IMMP1L: variants seen among roughly 807,000 people sequenced by gnomAD.
IMMP1L encodes the protein mitochondrial inner membrane protease subunit 1.
IMMP1L carries 24 observed loss-of-function variants against 21.8 expected under a neutral mutation model. The ratio of observed to expected loss-of-function variants is 1.10; its 90% CI spans 0.80 to 1.55. The LOEUF is 1.55. Among genes scored for constraint, IMMP1L ranks in the 40% most tolerant of loss-of-function variants. The pLI is 0.00. For missense variants in IMMP1L, 195 were observed against 200.7 expected, an observed-to-expected ratio of 0.97 and a Z score of 0.17; for synonymous variants, 46 against 62.8, an observed-to-expected ratio of 0.73 and a Z score of 1.26.
intron 1 of IMMP1L, among the ~76,000 whole-genome samples, chr11:31,488,869 TTTTA>T (rs1412277208): frequency 2.0e-5 from 3 of 151,390 alleles, no homozygotes; most frequent in South Asian, 2.1e-4. Flanking sequence ...AGAAAATAAG[TTTTA>T]TTTTTTATTT....
intron 3 of IMMP1L, among the ~76,000 whole-genome samples, chr11:31,456,903 A>G (rs1325644019): frequency 7.8e-6 from 1 of 128,396 alleles, no homozygotes; most frequent in Non-Finnish European, 1.6e-5. Context: ...AAAAAAAAAA[A>G]CCACACACAC....
At chr11:31,506,210 G>A (rs913005994) in intron 1 of IMMP1L, among the ~76,000 whole-genome samples, 1 of 150,138 alleles carries the variant, frequency 6.7e-6, no homozygotes, top group Non-Finnish European at 1.5e-5. Flanking sequence ...AATTAAGAAC[G>A]CACCTAAACA....
At chr11:31,500,960 T>C (rs1955600441) in intron 1 of IMMP1L, among the ~76,000 whole-genome samples, 1 of 152,224 alleles carries the variant, frequency 6.6e-6, no homozygotes, top group African/African-American at 2.4e-5. Flanking sequence ...AGCTGTGTGA[T>C]TTAATATAGT....
intron 1 of IMMP1L, among the ~76,000 whole-genome samples, chr11:31,507,443 G>C (rs1437055577): frequency 2.0e-5 from 3 of 152,090 alleles, no homozygotes; most frequent in African/African-American, 7.2e-5. Context: ...GGCAAACAAA[G>C]CACCACTATC....
chr11:31,433,796 A>G (rs1280594909), intron 4 of IMMP1L: 3 of 371,214 alleles, frequency 8.1e-6, no homozygotes, highest in Non-Finnish European at 1.4e-5. Flanking sequence ...TTTTTGTCAT[A>G]TGGTTCCCAA....
intron 1 of IMMP1L, among the ~76,000 whole-genome samples, chr11:31,507,171 C>T (rs1955803967): frequency 6.6e-6 from 1 of 151,040 alleles, no homozygotes; most frequent in South Asian, 2.1e-4. Flanking sequence ...CCCAGCTACT[C>T]GGGAGGCTGA....
At chr11:31,459,799 A>T (rs1374417400) in intron 3 of IMMP1L, among the ~76,000 whole-genome samples, 1 of 152,136 alleles carries the variant, frequency 6.6e-6, no homozygotes, top group Non-Finnish European at 1.5e-5. Context: ...TAATATAATT[A>T]ATCAGGAGAC....
chr11:31,489,877 A>T (rs1036706965), intron 1 of IMMP1L, among the ~76,000 whole-genome samples: 2 of 152,198 alleles, frequency 1.3e-5, no homozygotes, highest in South Asian at 4.1e-4. Flanking sequence ...ACAATCTCAC[A>T]TAATTGGAAG....
At position 31,433,488 on chromosome 11, in the gene IMMP1L, C is replaced by T. The variant is rs1461319501; in HGVS notation, c.404G>A (p.Gly135Glu). 1.2e-6 allele frequency: 2 copies of T among 1,600,718 alleles called. No individual in the cohort carries two copies. The highest frequency in any genetic ancestry group is 1.7e-5 in the Admixed American group (1 of 59,454). ...DSRCYGPIPY[G>E]LIRGRIFFKI... ...AAAGAAGATTCGTCCTCTTATTAGT[C>T]CATATGGAATAGGTCCATAGCACCT... Residue 135 changes from glycine (G) to glutamate (E), a missense_variant, in exon 5 of 6, where the codon GGA becomes GAA. Physicochemically the swap from Gly to Glu is moderately conservative, Grantham distance 98. Transcript: ENST00000532287.
At chr11:31,461,944 G>A (rs1954154245) in intron 2 of IMMP1L, among the ~76,000 whole-genome samples, 1 of 152,030 alleles carries the variant, frequency 6.6e-6, no homozygotes, top group African/African-American at 2.4e-5. Context: ...TCCTACTCAG[G>A]CAGAAATAGG....
intron 1 of IMMP1L, among the ~76,000 whole-genome samples, chr11:31,500,980 C>A (rs1397870944): frequency 6.6e-6 from 1 of 152,078 alleles, no homozygotes; most frequent in Non-Finnish European, 1.5e-5. Context: ...TACAAACTAG[C>A]CACATGCAGC....
chr11:31,495,049 CG>C (rs575258028), intron 1 of IMMP1L, among the ~76,000 whole-genome samples: 16 of 152,202 alleles, frequency 1.1e-4, no homozygotes, highest in Non-Finnish European at 1.9e-4. Flanking sequence ...CAAAGTTCCA[CG>C]GATCTCCAGG....
chr11:31,486,184 A>C (rs1410663625), intron 1 of IMMP1L, among the ~76,000 whole-genome samples: 6 of 151,854 alleles, frequency 4.0e-5, no homozygotes, highest in Non-Finnish European at 8.9e-5. Flanking sequence ...TTTTCACTTA[A>C]ATGACTGGAA....
At chr11:31,441,429 G>A (rs938839077) in intron 4 of IMMP1L, among the ~76,000 whole-genome samples, 16 of 149,330 alleles carry the variant, frequency 1.1e-4, no homozygotes, top group African/African-American at 4.0e-4. Flanking sequence ...TAAATGACTT[G>A]TCATTTATTT....
chr11:31,493,854 G>A (rs1198881313), intron 1 of IMMP1L, among the ~76,000 whole-genome samples: 1 of 152,214 alleles, frequency 6.6e-6, no homozygotes, highest in Admixed American at 6.5e-5. Flanking sequence ...GTTCCAAAAT[G>A]ATCTCCTTTG....
chr11:31,486,101 T>A (rs1281424588), intron 1 of IMMP1L, among the ~76,000 whole-genome samples: 1 of 151,732 alleles, frequency 6.6e-6, no homozygotes, highest in African/African-American at 2.4e-5. Context: ...GACATGCAAC[T>A]TTCTATGCTA....
At chr11:31,448,181 C>T (rs893175615) in intron 4 of IMMP1L, among the ~76,000 whole-genome samples, 4 of 152,072 alleles carry the variant, frequency 2.6e-5, no homozygotes, top group African/African-American at 7.2e-5. Context: ...TGGTGGCAAG[C>T]GCCTGCAGTC....
chr11:31,462,660 T>C (rs1009789024), intron 2 of IMMP1L, among the ~76,000 whole-genome samples: 5 of 152,194 alleles, frequency 3.3e-5, no homozygotes, highest in African/African-American at 1.2e-4. Context: ...ATTACAGTTA[T>C]TGTGGTTATG....
intron 4 of IMMP1L, among the ~76,000 whole-genome samples, chr11:31,444,316 C>T (rs1031639413): frequency 6.6e-6 from 1 of 152,150 alleles, no homozygotes; most frequent in Non-Finnish European, 1.5e-5. Flanking sequence ...ATTGGGCTTT[C>T]TTTGTCCCTG....
Sources: gnomAD v4.1 joint callset for allele counts (sites outside exome capture counted in the v4.1 genomes callset) on GRCh38, gnomAD v4.1.1 for gene constraint, MANE v1.5 for transcripts, NCBI Gene and HGNC (gene_info 2026-07-23, HGNC 2026-07-21) for gene names.